Variants in PIP5K1B observed in about 807,000 individuals in gnomAD.
PIP5K1B encodes the protein phosphatidylinositol 4-phosphate 5-kinase type-1 beta.
A neutral mutation model predicts 67.0 loss-of-function variants in PIP5K1B; 42 were observed. The observed-to-expected ratio is 0.63, with a 90% CI of 0.49 to 0.81. PIP5K1B has a LOEUF of 0.81. Ranked by LOEUF, PIP5K1B falls within the 30% of genes least tolerant of loss-of-function variation. The pLI, the probability that PIP5K1B is intolerant of heterozygous loss-of-function variation, is 0.00. For synonymous variants in PIP5K1B, 214 were observed against 231.4 expected (o/e 0.92, Z 0.68); for missense variants, 459 against 646.3 (o/e 0.71, Z 3.14).
chr9:68,923,227 T>C (rs780961153), intron 11 of PIP5K1B, 75 bp from the exon 12 acceptor site: 21 of 832,800 alleles, frequency 2.5e-5, no homozygotes, highest in Non-Finnish European at 3.8e-5. Context: ...AGAGAACCAA[T>C]TGCATAGATC....
chr9:68,853,236 G>A (rs536066043), intron 4 of PIP5K1B, among the ~76,000 whole-genome samples: 1 of 152,284 alleles, frequency 6.6e-6, no homozygotes, highest in Non-Finnish European at 1.5e-5. Flanking sequence ...CTGAAGGGAT[G>A]GAAGCATAAT....
intron 2 of PIP5K1B, among the ~76,000 whole-genome samples, chr9:68,764,994 T>C (rs1830362002): frequency 6.6e-6 from 1 of 152,090 alleles, no homozygotes; most frequent in Non-Finnish European, 1.5e-5. Flanking sequence ...AGAACATGCA[T>C]TCTGAATATT....
intron 2 of PIP5K1B, among the ~76,000 whole-genome samples, chr9:68,753,548 G>T (rs1199180017): frequency 1.3e-4 from 7 of 54,348 alleles, no homozygotes; most frequent in South Asian, 6.8e-4. Context: ...TTTTTGAGAT[G>T]GAGTCTCACA....
intron 2 of PIP5K1B, among the ~76,000 whole-genome samples, chr9:68,799,815 A>G (rs1370266912): frequency 1.3e-5 from 2 of 152,202 alleles, no homozygotes; most frequent in African/African-American, 2.4e-5. Flanking sequence ...GCTTCATGAC[A>G]TTGGTTTTGG....
chr9:68,982,924 G>C (rs12378665), intron 14 of PIP5K1B, among the ~76,000 whole-genome samples: 2 of 152,176 alleles, frequency 1.3e-5, no homozygotes, highest in East Asian at 3.9e-4. Flanking sequence ...CAATGGACAT[G>C]CACATACATA....
intron 8 of PIP5K1B, among the ~76,000 whole-genome samples, chr9:68,916,908 C>T (rs1826126385): frequency 6.6e-6 from 1 of 151,362 alleles, no homozygotes; most frequent in African/African-American, 2.4e-5. Flanking sequence ...GAGAAGAAGA[C>T]CACTAACTTC....
chr9:68,853,811 GA>G (rs1351174328), intron 4 of PIP5K1B, among the ~76,000 whole-genome samples: 3 of 151,852 alleles, frequency 2.0e-5, no homozygotes, highest in South Asian at 2.1e-4. Flanking sequence ...CACCTCACAA[GA>G]AAAAAAGATA....
chr9:68,867,118 C>T (rs1823396876), intron 5 of PIP5K1B, among the ~76,000 whole-genome samples: 1 of 150,986 alleles, frequency 6.6e-6, no homozygotes, highest in Non-Finnish European at 1.5e-5. Context: ...AAAAACACCC[C>T]ATGAAAATAA....
At chr9:68,754,121 G>C (rs1430032161) in intron 2 of PIP5K1B, among the ~76,000 whole-genome samples, 1 of 149,728 alleles carries the variant, frequency 6.7e-6, no homozygotes, top group Non-Finnish European at 1.5e-5. Flanking sequence ...TTAACATTCA[G>C]CAGGATGGTG....
At chr9:68,898,352 T>A (rs10781257) in intron 8 of PIP5K1B, among the ~76,000 whole-genome samples, 41,912 of 151,878 alleles carry the variant, frequency 0.28, 6,965 homozygotes, top group South Asian at 0.43. Context: ...AAATGATGAG[T>A]CCCCTTTCTT....
intron 5 of PIP5K1B, among the ~76,000 whole-genome samples, chr9:68,873,322 C>G (rs147219035): frequency 2.6e-4 from 31 of 117,010 alleles, no homozygotes; most frequent in African/African-American, 9.0e-4. Context: ...GGGTCTTGCT[C>G]TGTTGCCCAG....
chr9:68,966,282 C>T (rs2309385), intron 14 of PIP5K1B, among the ~76,000 whole-genome samples: 147,094 of 152,264 alleles, frequency 0.97, 71,246 homozygotes, highest in East Asian at 1. Context: ...ATCCCTTAAG[C>T]GTTGGCCACA....
intron 2 of PIP5K1B, among the ~76,000 whole-genome samples, chr9:68,765,482 T>G (rs1395055112): frequency 1.3e-5 from 2 of 152,030 alleles, no homozygotes; most frequent in African/African-American, 2.4e-5. Flanking sequence ...CTGAGTTGGA[T>G]TAAAGCAAAG....
At chr9:68,789,011 G>T (rs1831802140) in intron 2 of PIP5K1B, 3 of 387,360 alleles carry the variant, frequency 7.7e-6, no homozygotes, top group Admixed American at 3.1e-5. Context: ...GGAAGTGTAA[G>T]GTCTGGCATT....
chr9:68,808,094 A>C (rs1832966183), intron 2 of PIP5K1B, among the ~76,000 whole-genome samples: 1 of 152,218 alleles, frequency 6.6e-6, no homozygotes, highest in Non-Finnish European at 1.5e-5. Flanking sequence ...GCTACTCAGG[A>C]GGCTGAGGCG....
intron 5 of PIP5K1B, among the ~76,000 whole-genome samples, chr9:68,870,551 C>T (rs547153551): frequency 1.1e-4 from 17 of 152,128 alleles, no homozygotes; most frequent in Non-Finnish European, 2.4e-4. Context: ...GGATATCCAC[C>T]TTGGCTGAAT....
chr9:68,900,360 A>C (rs1564216827), intron 8 of PIP5K1B, among the ~76,000 whole-genome samples: 1 of 152,322 alleles, frequency 6.6e-6, no homozygotes, highest in East Asian at 1.9e-4. Flanking sequence ...CACTCAGTAC[A>C]TGTTGCAAGA....
chr9:68,987,541 A>G (rs1830146618), intron 14 of PIP5K1B, among the ~76,000 whole-genome samples: 1 of 152,202 alleles, frequency 6.6e-6, no homozygotes, highest in Admixed American at 6.5e-5. Context: ...TAGCCTGGGC[A>G]ACAGAGCGAG....
At chr9:68,813,263 G>T (rs1056458120) in intron 2 of PIP5K1B, among the ~76,000 whole-genome samples, 1 of 152,188 alleles carries the variant, frequency 6.6e-6, no homozygotes, top group South Asian at 2.1e-4. Flanking sequence ...AGCAATGAAC[G>T]TTGCAAAACT....
Sources: allele counts gnomAD v4.1 joint callset (sites outside exome capture counted in the v4.1 genomes callset), GRCh38; gene constraint gnomAD v4.1.1; transcripts MANE v1.5; gene names NCBI Gene and HGNC (gene_info 2026-07-23, HGNC 2026-07-21).